Variants in COL21A1 observed in about 807,000 individuals in gnomAD.
COL21A1 encodes the protein collagen type XXI alpha 1 chain.
COL21A1 carries 149 observed loss-of-function variants against 137.9 expected under a neutral mutation model. The observed-to-expected ratio is 1.08, with a 90% CI of 0.95 to 1.24. The LOEUF is 1.24. Ranked by LOEUF, COL21A1 falls within the 50% of genes most tolerant of loss-of-function variation. The probability of loss-of-function intolerance (pLI) is 0.00; values close to 1 mark genes in which losing one functional copy is unlikely to be tolerated. For missense variants in COL21A1, 1,167 were observed against 1,158.4 expected, an observed-to-expected ratio of 1.01 and a Z score of -0.11; for synonymous variants, 456 against 391.5, an observed-to-expected ratio of 1.16 and a Z score of -1.95.
At chr6:56,160,287 G>T (rs945845309) in intron 9 of COL21A1, among the ~76,000 whole-genome samples, 1 of 152,176 alleles carries the variant, frequency 6.6e-6, no homozygotes, top group African/African-American at 2.4e-5. Flanking sequence ...GCGAATTCTC[G>T]TAATAATCCT....
At chr6:56,174,974 T>C (rs1446571575) in intron 3 of COL21A1, among the ~76,000 whole-genome samples, 2 of 152,022 alleles carry the variant, frequency 1.3e-5, no homozygotes, top group Non-Finnish European at 1.5e-5. Flanking sequence ...AAATGGGAAT[T>C]ATCCACAGGA....
At chr6:56,157,115 T>C (rs925607334) in intron 9 of COL21A1, among the ~76,000 whole-genome samples, 166 bp from the exon 10 acceptor site, 1 of 151,546 alleles carries the variant, frequency 6.6e-6, no homozygotes, top group African/African-American at 2.4e-5. Flanking sequence ...TAATAAATAA[T>C]GCATTTTATT....
intron 1 of COL21A1, among the ~76,000 whole-genome samples, chr6:56,306,774 A>C (rs1764471299): frequency 1.6e-5 from 1 of 61,776 alleles, no homozygotes; most frequent in East Asian, 6.0e-4. Flanking sequence ...TTGCTGGTGC[A>C]TTCCTTTAGA....
intron 1 of COL21A1, among the ~76,000 whole-genome samples, chr6:56,200,826 G>A (rs1004843465): frequency 6.6e-6 from 1 of 152,042 alleles, no homozygotes; most frequent in African/African-American, 2.4e-5. Context: ...CCCAGTAATG[G>A]GATGGCTGGG....
At chr6:56,161,675 T>TA (rs1009130398) in intron 9 of COL21A1, among the ~76,000 whole-genome samples, 1 of 152,164 alleles carries the variant, frequency 6.6e-6, no homozygotes, top group Admixed American at 6.5e-5. Context: ...TCATTAGGGA[T>TA]AAAAAATAAG....
rs1356853696 is a variant in COL21A1 at position 56,070,808 on chromosome 6, CA to C, written c.1966-11del. 1.6e-5 allele frequency: 26 copies of C among 1,588,204 alleles called. No homozygotes were observed. Among genetic ancestry groups the C allele is most frequent in the Non-Finnish European group, 2.1e-5 (25 of 1,169,838 alleles). ...GTTCACCTTTGCTTCCCTGTCAACACATCAAAAACATTGGAGTTTTTTAAAA... is the reference window on the plus strand; with the variant it reads ...GTTCACCTTTGCTTCCCTGTCAACACTCAAAAACATTGGAGTTTTTTAAAA... On this transcript the variant is annotated splice_polypyrimidine_tract_variant and intron_variant, in intron 20 of 29. Coordinates refer to ENST00000244728, the MANE Select transcript of COL21A1 (RefSeq NM_030820.4).
intron 1 of COL21A1, among the ~76,000 whole-genome samples, chr6:56,285,072 A>T (rs1393583883): frequency 1.3e-5 from 2 of 152,166 alleles, no homozygotes; most frequent in African/African-American, 4.8e-5. Flanking sequence ...TGTCCCCAAT[A>T]CTTCTTCCTA....
At chr6:56,238,593 C>T (rs1184259016) in intron 1 of COL21A1, among the ~76,000 whole-genome samples, 2 of 151,894 alleles carry the variant, frequency 1.3e-5, no homozygotes, top group Non-Finnish European at 2.9e-5. Context: ...CCTCATGGAC[C>T]CCAGAATCAA....
chr6:56,094,689 T>C (rs1332208867), intron 17 of COL21A1, among the ~76,000 whole-genome samples: 2 of 152,142 alleles, frequency 1.3e-5, no homozygotes, highest in African/African-American at 2.4e-5. Context: ...TACACACATA[T>C]ACATGGCAGA....
At chr6:56,261,221 C>T (rs1012294927) in intron 1 of COL21A1, among the ~76,000 whole-genome samples, 1 of 152,096 alleles carries the variant, frequency 6.6e-6, no homozygotes, top group Non-Finnish European at 1.5e-5. Context: ...TGAGAAGGAG[C>T]GCCTCCCTCA....
At chr6:56,168,954 T>C (rs1776815118) in intron 5 of COL21A1, among the ~76,000 whole-genome samples, 1 of 151,996 alleles carries the variant, frequency 6.6e-6, no homozygotes, top group South Asian at 2.1e-4. Context: ...TTTTTCAGGA[T>C]GTTTCACAAT....
At chr6:56,383,844 A>G (rs1434099074) in intron 1 of COL21A1, among the ~76,000 whole-genome samples, 2 of 152,178 alleles carry the variant, frequency 1.3e-5, no homozygotes, top group Non-Finnish European at 2.9e-5. Flanking sequence ...AGGCAATAAA[A>G]CAGGTCTCGA....
intron 1 of COL21A1, among the ~76,000 whole-genome samples, chr6:56,343,325 A>C (rs936599356): frequency 2.0e-5 from 3 of 152,180 alleles, no homozygotes; most frequent in Admixed American, 6.5e-5. Context: ...GAGCAAGGTA[A>C]GGCTTTTCAG....
At chr6:56,296,813 T>C (rs934360763) in intron 1 of COL21A1, among the ~76,000 whole-genome samples, 1 of 152,028 alleles carries the variant, frequency 6.6e-6, no homozygotes, top group Non-Finnish European at 1.5e-5. Context: ...ACTTGAGAAA[T>C]CATGTACTCT....
intron 16 of COL21A1, among the ~76,000 whole-genome samples, chr6:56,113,825 G>A (rs970602665): frequency 1.3e-5 from 2 of 152,112 alleles, no homozygotes; most frequent in African/African-American, 2.4e-5. Context: ...GGCCACAGGG[G>A]ATCCCACTGC....
chr6:56,079,198 G>T (rs1252709293), intron 17 of COL21A1, among the ~76,000 whole-genome samples: 5 of 151,590 alleles, frequency 3.3e-5, no homozygotes, highest in Non-Finnish European at 7.4e-5. Context: ...TAAAATACGT[G>T]TGTAAATTCT....
intron 3 of COL21A1, among the ~76,000 whole-genome samples, chr6:56,176,553 C>T (rs948812465): frequency 4.1e-5 from 6 of 145,864 alleles, no homozygotes; most frequent in African/African-American, 1.5e-4. Flanking sequence ...CAAATCAATA[C>T]TACAATGAAA....
chr6:56,119,211 G>T (rs1404095405), intron 16 of COL21A1, among the ~76,000 whole-genome samples: 4 of 152,066 alleles, frequency 2.6e-5, no homozygotes, highest in East Asian at 3.9e-4. Flanking sequence ...CTATTAAACT[G>T]ATAAATTTGG....
intron 10 of COL21A1, among the ~76,000 whole-genome samples, chr6:56,147,388 A>C (rs1774916543): frequency 1.3e-5 from 2 of 149,608 alleles, no homozygotes; most frequent in African/African-American, 2.5e-5. Flanking sequence ...TGTTTTGTTC[A>C]TTGCTATATA....
Sources: gnomAD v4.1 joint callset for allele counts (sites outside exome capture counted in the v4.1 genomes callset) on GRCh38, gnomAD v4.1.1 for gene constraint, MANE v1.5 for transcripts, NCBI Gene and HGNC (gene_info 2026-07-23, HGNC 2026-07-21) for gene names.